Variants in ENTPD1 observed in about 807,000 individuals in gnomAD.
ENTPD1 encodes ATP diphosphohydrolase.
ENTPD1 carries 33 observed loss-of-function variants against 57.0 expected under a neutral mutation model. The observed-to-expected ratio is 0.58, with a 90% CI of 0.44 to 0.77. ENTPD1 has a LOEUF of 0.77. Ranked by LOEUF, ENTPD1 falls within the 30% of genes least tolerant of loss-of-function variation. ENTPD1 has a pLI of 0.00. For missense variants in ENTPD1, 501 were observed against 603.4 expected (o/e 0.83, Z 1.78); for synonymous variants, 202 against 218.8 (o/e 0.92, Z 0.68).
At chr10:95,850,836 C>T (rs1164898269) in intron 7 of ENTPD1, among the ~76,000 whole-genome samples, 1 of 152,234 alleles carries the variant, frequency 6.6e-6, no homozygotes, top group Non-Finnish European at 1.5e-5. Context: ...AATCCAGTTT[C>T]ATTCCCATTC....
intron 1 of ENTPD1, among the ~76,000 whole-genome samples, chr10:95,783,805 G>A (rs2098167138): frequency 6.6e-6 from 1 of 151,976 alleles, no homozygotes; most frequent in South Asian, 2.1e-4. Context: ...TATTTTTAGG[G>A]CAAGTCACGT....
intron 1 of ENTPD1, among the ~76,000 whole-genome samples, chr10:95,757,799 G>A (rs2098034374): frequency 6.6e-6 from 1 of 151,888 alleles, no homozygotes; most frequent in Non-Finnish European, 1.5e-5. Flanking sequence ...GAGGTCAGGA[G>A]TTCGAGACCG....
At chr10:95,715,080 A>G (rs1320545353) in intron 1 of ENTPD1, among the ~76,000 whole-genome samples, 3 of 152,226 alleles carry the variant, frequency 2.0e-5, no homozygotes, top group South Asian at 2.1e-4. Context: ...GGTTTATGCA[A>G]TGATTCTTGT....
At chr10:95,864,638 C>G (rs886980032) in intron 8 of ENTPD1, 86 bp from the exon 9 acceptor site, 3 of 1,584,186 alleles carry the variant, frequency 1.9e-6, no homozygotes, top group Non-Finnish European at 2.6e-6. Context: ...GCTTTCCCCT[C>G]TCTTCATCAG....
chr10:95,707,097 G>T (rs1173874729), upstream of ENTPD1, among the ~76,000 whole-genome samples: 1 of 152,174 alleles, frequency 6.6e-6, no homozygotes, highest in African/African-American at 2.4e-5. Context: ...CTCCCGCCCT[G>T]CCAACTCAGG....
At chr10:95,800,395 A>G (rs1284319978) in intron 1 of ENTPD1, among the ~76,000 whole-genome samples, 6 of 152,142 alleles carry the variant, frequency 3.9e-5, no homozygotes. Context: ...GGCAAGGCAA[A>G]ATTAGAATTA....
At chr10:95,785,906 G>A (rs1297774029) in intron 1 of ENTPD1, among the ~76,000 whole-genome samples, 2 of 152,194 alleles carry the variant, frequency 1.3e-5, no homozygotes, top group African/African-American at 2.4e-5. Flanking sequence ...CTGCTACCCA[G>A]TAAGAACATA....
At chr10:95,798,504 G>A (rs7069234) in intron 1 of ENTPD1, among the ~76,000 whole-genome samples, 24,122 of 152,018 alleles carry the variant, frequency 0.16, 2,467 homozygotes, top group African/African-American at 0.28. Context: ...AATCCTGAGA[G>A]AATGGGTGGA....
At chr10:95,749,403 A>T (rs1465429043) in intron 1 of ENTPD1, among the ~76,000 whole-genome samples, 1 of 152,146 alleles carries the variant, frequency 6.6e-6, no homozygotes, top group East Asian at 1.9e-4. Flanking sequence ...TTCTTTTCTT[A>T]TACTTTGGCC....
chr10:95,814,507 G>C (rs2098323032), intron 1 of ENTPD1, among the ~76,000 whole-genome samples: 1 of 152,016 alleles, frequency 6.6e-6, no homozygotes, highest in African/African-American at 2.4e-5. Context: ...CTGTGGGTGG[G>C]GAGCCTCAGG....
chr10:95,826,916 A>G (rs933094732), intron 2 of ENTPD1, among the ~76,000 whole-genome samples: 3 of 152,180 alleles, frequency 2.0e-5, no homozygotes, highest in African/African-American at 7.2e-5. Flanking sequence ...TTTTTGAAGA[A>G]TTGTTTTGAG....
At chr10:95,736,294 G>A (rs1162741795) in intron 1 of ENTPD1, among the ~76,000 whole-genome samples, 2 of 152,144 alleles carry the variant, frequency 1.3e-5, no homozygotes, top group Admixed American at 1.3e-4. Context: ...GAGCTGTCGT[G>A]CCCAGCTAGA....
At chr10:95,719,498 T>G (rs1466666978) in intron 1 of ENTPD1, among the ~76,000 whole-genome samples, 1 of 152,192 alleles carries the variant, frequency 6.6e-6, no homozygotes, top group Non-Finnish European at 1.5e-5. Flanking sequence ...TTTAGGGTTT[T>G]GGGATGAGGA....
chr10:95,774,829 C>T (rs1202735861), intron 1 of ENTPD1, among the ~76,000 whole-genome samples: 1 of 152,092 alleles, frequency 6.6e-6, no homozygotes, highest in Non-Finnish European at 1.5e-5. Context: ...TTTTTGGTTC[C>T]ATAGGAACTT....
intron 1 of ENTPD1, among the ~76,000 whole-genome samples, chr10:95,806,271 A>G (rs1022701066): frequency 2.0e-5 from 3 of 152,170 alleles, no homozygotes; most frequent in African/African-American, 7.2e-5. Context: ...CCTTTCTTCC[A>G]CTTGATCGAA....
intron 1 of ENTPD1, among the ~76,000 whole-genome samples, chr10:95,738,534 G>A (rs376337399): frequency 2.6e-5 from 4 of 152,292 alleles, no homozygotes; most frequent in East Asian, 3.9e-4. Flanking sequence ...GAGCCAAGGA[G>A]TTGTGTGTGG....
intron 1 of ENTPD1, among the ~76,000 whole-genome samples, chr10:95,732,965 T>C (rs1241930131): frequency 6.6e-6 from 1 of 152,196 alleles, no homozygotes; most frequent in African/African-American, 2.4e-5. Flanking sequence ...AGGCACGCAT[T>C]GTCATTGATA....
At chr10:95,809,811 C>G (rs117372659) in intron 1 of ENTPD1, among the ~76,000 whole-genome samples, 39,605 of 147,312 alleles carry the variant, frequency 0.27, 6,252 homozygotes, top group Admixed American at 0.38. Flanking sequence ...GGCAGAAGTG[C>G]TCCCCACTTC....
intron 1 of ENTPD1, among the ~76,000 whole-genome samples, chr10:95,814,016 G>T (rs2098320075): frequency 6.6e-6 from 1 of 152,164 alleles, no homozygotes. Flanking sequence ...AGAGTCCCCA[G>T]GGCACAATTT....
Sources: allele counts gnomAD v4.1 joint callset (sites outside exome capture counted in the v4.1 genomes callset), GRCh38; gene constraint gnomAD v4.1.1; transcripts MANE v1.5; gene names NCBI Gene and HGNC (gene_info 2026-07-23, HGNC 2026-07-21).